The following SEC22C variants were observed in gnomAD, a reference collection of about 807,000 sequenced individuals.
The protein encoded by SEC22C is vesicle-trafficking protein SEC22c.
In SEC22C, 29 loss-of-function variants were observed where a neutral mutation model predicts 34.7. The ratio of observed to expected loss-of-function variants is 0.84; its 90% CI spans 0.62 to 1.14. The LOEUF (loss-of-function observed/expected upper bound fraction) is 1.14. SEC22C is among the 50% of genes most tolerant of loss of function. The pLI is 0.00. For missense variants in SEC22C, 337 were observed against 369.0 expected (o/e 0.91, Z 0.71); for synonymous variants, 117 against 132.8 (o/e 0.88, Z 0.82).
At chr3:42,567,891 T>G (rs988088913) in intron 2 of SEC22C, among the ~76,000 whole-genome samples, 1 of 152,024 alleles carries the variant, frequency 6.6e-6, no homozygotes, top group Non-Finnish European at 1.5e-5. Context: ...GCCAACATGG[T>G]GAAACCCCGT....
Position 42,550,628 on chromosome 3 carries a change from C to G in SEC22C, c.*2620G>C. ...TTTTGTTTGCAAAAGTCAATCTCACCCCATGTAGATGTTAACTGATATCCA... is the reference window on the plus strand; with the variant it reads ...TTTTGTTTGCAAAAGTCAATCTCACGCCATGTAGATGTTAACTGATATCCA... On this transcript the variant is annotated 3_prime_UTR_variant, in exon 7 of 7. Transcript: ENST00000264454. 1 of 985,146 alleles carries G rather than the reference C, an allele frequency of 1.0e-6. No individual in the cohort carries two copies. Among genetic ancestry groups the G allele is most frequent in the Non-Finnish European group, 1.2e-6 (1 of 829,916 alleles). 61.0% of individuals were successfully genotyped at this position (985,146 alleles called of 1,614,324 possible).
rs1164228101 is a variant in SEC22C at position 42,550,604 on chromosome 3, T to A, written c.*2644A>T. On this transcript the variant is annotated 3_prime_UTR_variant, in exon 7 of 7. Transcript: ENST00000264454. Reference sequence around the variant, plus strand: ...TGTTTTTCTAGTGCATCTTTTCCCTTTTGTTTGCAAAAGTCAATCTCACCC... The same window carrying A: ...TGTTTTTCTAGTGCATCTTTTCCCTATTGTTTGCAAAAGTCAATCTCACCC... The A allele has an allele frequency of 3.9e-5, 38 of 985,286 alleles. No individual in the cohort carries two copies. Among genetic ancestry groups the A allele is most frequent in the Non-Finnish European group, 4.6e-5 (38 of 829,934 alleles). The allele number at this position is 985,286 out of a possible 1,614,324, so 61.0% of individuals were successfully genotyped here.
rs769157993 is a variant in SEC22C, at chr3:42,557,684, C to T, written c.539G>A (p.Arg180Gln). 18 of 1,581,784 alleles carry T rather than the reference C, an allele frequency of 1.1e-5. No individual in the cohort carries two copies. The highest frequency in any genetic ancestry group is 8.1e-5 in the African/African-American group (6 of 73,846). Residue 180 changes from arginine to glutamine, a missense_variant, in exon 5 of 7, where the codon CGA becomes CAA. Arg to Gln is a conservative substitution (Grantham distance 43). Coordinates refer to ENST00000264454, the MANE Select transcript of SEC22C (RefSeq NM_032970.4). ...ACCCAGGGCTGTCACTGGTTCCATT[C>T]GGAAATTAGGAGCTTCACAATGGAA... ...PMHLEPAPNF[R>Q]MEPVTALGIL...
In SEC22C at chr3:42,557,714, A is replaced by T. The variant is rs1370377062; in HGVS notation, c.527-18T>A. The T allele has an allele frequency of 7.7e-7, 1 of 1,302,850 alleles. No individual in the cohort carries two copies. The highest frequency in any genetic ancestry group is 1.1e-6 in the Non-Finnish European group (1 of 904,220). 80.7% of individuals were successfully genotyped at this position (1,302,850 alleles called of 1,614,324 possible). On this transcript the variant is annotated intron_variant, in intron 4 of 6. Transcript: ENST00000264454. ...ATTAGGAGCTTCACAATGGAAAAAA[A>T]ACAAGTGTCTAGTGTAAGTAATTTC...
chr3:42,558,085 G>A (rs1048280967), intron 4 of SEC22C, among the ~76,000 whole-genome samples: 1 of 152,174 alleles, frequency 6.6e-6, no homozygotes, highest in Non-Finnish European at 1.5e-5. Context: ...GCATCTAGTG[G>A]ATAGAGGCCA....
rs1452437950 is a variant in SEC22C, at chr3:42,551,944, T to C, written c.*1304A>G. ...ATAATGCAGTTGAACACTCAAAGTG[T>C]TCCATGCAACTGTGGTTGAACTATT... On this transcript the variant is annotated 3_prime_UTR_variant, in exon 7 of 7. Transcript: ENST00000264454. The C allele has an allele frequency of 6.1e-6, 6 of 985,348 alleles. No individual in the cohort carries two copies. The East Asian group carries it at 5.7e-4, about 93-fold the overall frequency. 61.0% of individuals were successfully genotyped at this position (985,348 alleles called of 1,614,324 possible).
chr3:42,591,390 TC>T (rs1159440817), intron 1 of SEC22C: 43 of 661,044 alleles, frequency 6.5e-5, no homozygotes, highest in Non-Finnish European at 5.4e-6. Context: ...GTATGGGGTT[TC>T]CCCATGTTGG....
intron 5 of SEC22C, among the ~76,000 whole-genome samples, chr3:42,556,311 C>G (rs1424165384): frequency 6.6e-6 from 1 of 152,262 alleles, no homozygotes; most frequent in African/African-American, 2.4e-5. Flanking sequence ...CCTCCCATCT[C>G]CAGGCACTGC....
chr3:42,585,940 A>AC (rs1321765790), upstream of SEC22C, among the ~76,000 whole-genome samples: 6 of 150,106 alleles, frequency 4.0e-5, no homozygotes, highest in South Asian at 8.5e-4. Context: ...CCACTCTTCA[A>AC]CCCCCCCTCC....
intron 5 of SEC22C, among the ~76,000 whole-genome samples, chr3:42,556,813 T>G (rs1306968358): frequency 2.6e-5 from 4 of 152,158 alleles, no homozygotes; most frequent in Admixed American, 2.6e-4. Context: ...AACCCCTGCC[T>G]CCCAGTTTCA....
At chr3:42,596,114 T>C (rs1705022043) in intron 1 of SEC22C, among the ~76,000 whole-genome samples, 1 of 151,980 alleles carries the variant, frequency 6.6e-6, no homozygotes, top group African/African-American at 2.4e-5. Flanking sequence ...CTCTACCTCC[T>C]GGGTTCAAGT....
In SEC22C at chr3:42,553,440, C is replaced by A. The variant is rs772601930; in HGVS notation, c.720G>T (p.Leu240Phe). The A allele has an allele frequency of 1.2e-6, 2 of 1,613,636 alleles. No individual in the cohort carries two copies. Among genetic ancestry groups the A allele is most frequent in the Admixed American group, 1.7e-5 (1 of 59,936 alleles). Residue 240 changes from leucine to phenylalanine, a missense_variant, in exon 7 of 7, where the codon TTG becomes TTT. Leu to Phe is a conservative substitution (Grantham distance 22). Coordinates refer to ENST00000264454, the MANE Select transcript of SEC22C (RefSeq NM_032970.4). ...TCCTGGCTGGACTGTAGAACAGGTA[C>A]AAATAACACTGAAATGAGACCAGAA... ...PFVACIFQCYLYLFYSPARTM... is the reference protein window; with the variant it reads ...PFVACIFQCYFYLFYSPARTM...
chr3:42,563,700 G>C lies in SEC22C; in HGVS notation c.183-14C>G, dbSNP rs370697059. On this transcript the variant is annotated splice_polypyrimidine_tract_variant and intron_variant, in intron 2 of 6. Transcript: ENST00000264454. ...AAAGAAGAAAAACTGAAACAAAAGG[G>C]CAATATCTGTATTACCAGGAAACAG... 2 of 1,613,324 alleles carry C rather than the reference G, an allele frequency of 1.2e-6. No homozygotes were observed. The highest frequency in any genetic ancestry group is 1.3e-5 in the African/African-American group (1 of 74,842).
intron 6 of SEC22C, among the ~76,000 whole-genome samples, chr3:42,555,346 C>CAA (rs34824398): frequency 0.25 from 33,990 of 134,486 alleles, 4,435 homozygotes; most frequent in East Asian, 0.47. Flanking sequence ...GACTCCGTCT[C>CAA]AAAAAAAAAA....
At chr3:42,554,439 G>T (rs1277057082) in intron 6 of SEC22C, among the ~76,000 whole-genome samples, 2 of 152,092 alleles carry the variant, frequency 1.3e-5, no homozygotes, top group African/African-American at 4.8e-5. Flanking sequence ...CCACCTCCAG[G>T]GTTCAAGCAA....
chr3:42,590,988 CG>C, intron 1 of SEC22C: 1 of 54,226 alleles, frequency 1.8e-5, no homozygotes, highest in Non-Finnish European at 3.6e-5. Context: ...CGCGGGCGGG[CG>C]GGCGGGCGGA....
At chr3:42,567,967 G>C (rs760460953) in intron 2 of SEC22C, among the ~76,000 whole-genome samples, 6 of 152,090 alleles carry the variant, frequency 3.9e-5, no homozygotes, top group Non-Finnish European at 4.4e-5. Context: ...AGCTGCTCAG[G>C]AGGCTGAAGC....
Position 42,581,916 on chromosome 3 carries a change from G to C in SEC22C, c.-98C>G, listed in dbSNP as rs900445307. 1.3e-5 allele frequency: 2 copies of C among 152,240 alleles called. No individual in the cohort carries two copies. The highest frequency in any genetic ancestry group is 2.9e-5 in the Non-Finnish European group (2 of 68,092). The allele number at this position is 152,240 out of a possible 1,614,324, so 9.4% of individuals were successfully genotyped here. On this transcript the variant is annotated 5_prime_UTR_variant, in exon 1 of 7. Coordinates refer to ENST00000264454, the MANE Select transcript of SEC22C (RefSeq NM_032970.4). ...CGCCGCCTCCTCAGCAATCTTAGCC[G>C]ACCGGGAGGGCTCGGCCCAGGTCAC...
At chr3:42,589,661 A>T (rs1281527869) in intron 1 of SEC22C, among the ~76,000 whole-genome samples, 1 of 152,194 alleles carries the variant, frequency 6.6e-6, no homozygotes, top group Non-Finnish European at 1.5e-5. Context: ...CCCTATTGTG[A>T]ACTGGACTTG....
Sources: allele counts gnomAD v4.1 joint callset (sites outside exome capture counted in the v4.1 genomes callset), GRCh38; gene constraint gnomAD v4.1.1; transcripts MANE v1.5; gene names NCBI Gene and HGNC (gene_info 2026-07-23, HGNC 2026-07-21).